The following U2SURP variants were observed in gnomAD, a reference collection of about 807,000 sequenced individuals.
The protein encoded by U2SURP is U2 snRNP-associated SURP motif-containing protein.
U2SURP carries 9 observed loss-of-function variants against 144.9 expected under a neutral mutation model. The ratio of observed to expected loss-of-function variants is 0.06; its 90% CI spans 0.04 to 0.11. The LOEUF (loss-of-function observed/expected upper bound fraction) is 0.11. U2SURP is among the 10% of genes least tolerant of loss of function. U2SURP has a pLI of 1.00. For missense variants in U2SURP, 724 were observed against 1,226.7 expected, an observed-to-expected ratio of 0.59 and a Z score of 6.12; for synonymous variants, 408 against 396.8, an observed-to-expected ratio of 1.03 and a Z score of -0.33.
chr3:143,032,636 G>A (rs369442567), intron 16 of U2SURP, 148 bp from the exon 17 acceptor site: 25 of 576,722 alleles, frequency 4.3e-5, no homozygotes, highest in South Asian at 2.8e-4. Flanking sequence ...AATTTTGGGG[G>A]ACACAACACA....
intron 5 of U2SURP, 48 bp from the exon 6 acceptor site, chr3:143,016,791 AAAG>A: frequency 2.1e-6 from 3 of 1,440,710 alleles, no homozygotes; most frequent in Non-Finnish European, 2.8e-6. Context: ...ATAAAACAGT[AAAG>A]AAAAATATTG....
At chr3:143,055,669 A>G (rs1935115453) in intron 27 of U2SURP, among the ~76,000 whole-genome samples, 1 of 152,160 alleles carries the variant, frequency 6.6e-6, no homozygotes, top group African/African-American at 2.4e-5. Context: ...GTATGCTAAT[A>G]CTTTATTATT....
intron 1 of U2SURP, 52 bp from the exon 2 acceptor site, chr3:143,010,763 T>G: frequency 7.2e-7 from 1 of 1,391,770 alleles, no homozygotes; most frequent in Non-Finnish European, 9.9e-7. Context: ...GAGACATGTT[T>G]TGTTAGTATA....
chr3:143,055,039 A>G lies in U2SURP; in HGVS notation c.2871A>G (p.Ser957=), dbSNP rs1461707991. 1 of 1,608,562 alleles carries G rather than the reference A, an allele frequency of 6.2e-7. No homozygotes were observed. The highest frequency in any genetic ancestry group is 1.7e-5 in the Admixed American group (1 of 59,330). ...PSPKSERSER[S]ERSHKESSRS... ...CAAAATCGGAGCGATCAGAGCGTTC[A>G]GAAAGATCTCATAAAGAGAGCTCAC... is the stretch of plus-strand genomic sequence containing the variant. The change falls in exon 27 of 28, where the codon TCA becomes TCG. Residue 957 remains serine, a synonymous_variant. Transcript: ENST00000473835.
chr3:143,007,211 G>T (rs1463280709), intron 1 of U2SURP, among the ~76,000 whole-genome samples: 1 of 151,816 alleles, frequency 6.6e-6, no homozygotes, highest in Admixed American at 6.6e-5. Context: ...AATTTCTCTT[G>T]TGTATGCTAC....
At chr3:143,055,532 A>AT (rs542631715) in intron 27 of U2SURP, among the ~76,000 whole-genome samples, 15 of 151,946 alleles carry the variant, frequency 9.9e-5, no homozygotes, top group South Asian at 4.1e-4. Flanking sequence ...CATGAATACC[A>AT]TTTTTTCAGT....
chr3:143,035,668 C>G (rs1375675159), intron 19 of U2SURP, among the ~76,000 whole-genome samples: 10 of 152,062 alleles, frequency 6.6e-5, no homozygotes, highest in African/African-American at 2.4e-4. Context: ...TAGTAAGTTT[C>G]TATGTAAGTG....
At chr3:143,001,740 C>T (rs1935536730) in intron 1 of U2SURP, 67 bp downstream of exon 1, 1 of 1,596,066 alleles carries the variant, frequency 6.3e-7, no homozygotes, top group Non-Finnish European at 8.6e-7. Context: ...ACAGACGCTT[C>T]TGGCCTGTGA....
intron 27 of U2SURP, 55 bp downstream of exon 27, chr3:143,055,174 A>C (rs1308470138): frequency 2.8e-6 from 4 of 1,427,674 alleles, no homozygotes; most frequent in Non-Finnish European, 3.7e-6. Flanking sequence ...TTGTCATTTC[A>C]TCAGCTTTTG....
In U2SURP at chr3:143,026,809, T is replaced by G. The variant is rs147648356; in HGVS notation, c.1275-340T>G. On this transcript the variant is annotated intron_variant, in intron 13 of 27. Coordinates refer to ENST00000473835, the MANE Select transcript of U2SURP (RefSeq NM_001080415.2). Reference sequence around the variant, plus strand: ...GGCTCTAAGTTACTGATTTTATATATCAATATTTGCAGCTTTCTAATTAGT... The same window carrying G: ...GGCTCTAAGTTACTGATTTTATATAGCAATATTTGCAGCTTTCTAATTAGT... 7.4e-5 allele frequency: 12 copies of G among 163,236 alleles called. No homozygotes were observed. The East Asian group carries it at 2.0e-3, about 28-fold the overall frequency. 10.1% of individuals were successfully genotyped at this position (163,236 alleles called of 1,614,324 possible).
chr3:143,015,746 T>G (rs1372237285), intron 4 of U2SURP, among the ~76,000 whole-genome samples: 1 of 152,058 alleles, frequency 6.6e-6, no homozygotes, highest in African/African-American at 2.4e-5. Flanking sequence ...ATACATGTTT[T>G]GGGGACATTT....
intron 27 of U2SURP, among the ~76,000 whole-genome samples, chr3:143,055,327 A>G (rs898150786): frequency 1.3e-5 from 2 of 151,996 alleles, no homozygotes; most frequent in African/African-American, 4.8e-5. Flanking sequence ...CCAACAAGTG[A>G]GGACCAGCCA....
intron 1 of U2SURP, among the ~76,000 whole-genome samples, chr3:143,009,557 CACTGT>C (rs1671754201): frequency 6.6e-6 from 1 of 151,322 alleles, no homozygotes; most frequent in African/African-American, 2.4e-5. Flanking sequence ...GAGGTCGCGC[CACTGT>C]ACTCCAGCCT....
chr3:143,049,265 CAAAAAAA>C (rs200930787), intron 24 of U2SURP, among the ~76,000 whole-genome samples: 42 of 81,494 alleles, frequency 5.2e-4, no homozygotes, highest in Admixed American at 9.9e-4. Context: ...GACTCCATCT[CAAAAAAA>C]AAAAAAAAAA....
Position 143,058,141 on chromosome 3 carries a change from C to G in U2SURP, c.*1691C>G, listed in dbSNP as rs1028560756. On this transcript the variant is annotated 3_prime_UTR_variant, in exon 28 of 28. Transcript: ENST00000473835. ...ATTTAAAAAGTAACATGTTTTTCTC[C>G]CCTGCTCATTGCCTGGGAGAATGGA... 2 of 152,280 alleles carry G rather than the reference C, an allele frequency of 1.3e-5. No individual in the cohort carries two copies. Among genetic ancestry groups the G allele is most frequent in the Non-Finnish European group, 2.9e-5 (2 of 67,832 alleles). The allele number at this position is 152,280 out of a possible 1,614,324, so 9.4% of individuals were successfully genotyped here.
chr3:143,032,898 T>C lies in U2SURP; in HGVS notation c.1725T>C (p.Asp575=), dbSNP rs770635967. The part of the protein sequence containing the change: ...NNAEAAEEIV[D]CITESLSILK... ...CTGAAGCTGCTGAAGAAATAGTGGA[T>C]TGCATTACTGAGTCGTTGTCCATCT... The change falls in exon 17 of 28, where the codon GAT becomes GAC. Residue 575 remains aspartate, a synonymous_variant. Coordinates refer to ENST00000473835, the MANE Select transcript of U2SURP (RefSeq NM_001080415.2). The C allele has an allele frequency of 1.7e-5, 28 of 1,613,620 alleles. No individual in the cohort carries two copies. In the African/African-American group the frequency reaches 3.6e-4, roughly 21 times the overall value.
rs202211773 is a variant in U2SURP at position 143,003,050 on chromosome 3, TG to T, written c.45+1378del. 8.6e-3 allele frequency among the ~76,000 whole-genome samples: 1,303 copies of T among 152,314 alleles called. 19 individuals are homozygous for T. Among genetic ancestry groups the T allele is most frequent in the African/African-American group, 0.03 (1,260 of 41,560 alleles). On this transcript the variant is annotated intron_variant, in intron 1 of 27. Coordinates refer to ENST00000473835, the MANE Select transcript of U2SURP (RefSeq NM_001080415.2). ...AGTCGTGCATAAGCCTCACAATTTT[TG>T]TTTCTTCTCAAAGTAATATTTTAAG... is the stretch of plus-strand genomic sequence containing the variant.
At chr3:143,046,291 TTTTTTA>T (rs201816359) in intron 24 of U2SURP, among the ~76,000 whole-genome samples, 15,598 of 80,426 alleles carry the variant, frequency 0.19, 844 homozygotes, top group East Asian at 0.36. Context: ...TTTTAGTTTA[TTTTTTA>T]TTTTTTTTTA....
At chr3:143,049,344 T>G (rs1260711307) in intron 24 of U2SURP, among the ~76,000 whole-genome samples, 1 of 76,218 alleles carries the variant, frequency 1.3e-5, no homozygotes, top group Non-Finnish European at 2.5e-5. Context: ...TAATTTGTAA[T>G]AAAGGGGGGT....
Sources: allele counts gnomAD v4.1 joint callset (sites outside exome capture counted in the v4.1 genomes callset), GRCh38; gene constraint gnomAD v4.1.1; transcripts MANE v1.5; gene names NCBI Gene and HGNC (gene_info 2026-07-23, HGNC 2026-07-21).